The following FBXL2 variants were observed in gnomAD, a reference collection of about 807,000 sequenced individuals.
The protein encoded by FBXL2 is F-box/LRR-repeat protein 2.
Under a neutral mutation model 69.2 loss-of-function variants are expected in FBXL2, and 38 were observed. That is an observed-to-expected ratio of 0.55 (90% CI 0.42 to 0.72). The LOEUF is 0.72. Ranked by LOEUF, FBXL2 falls within the 30% of genes least tolerant of loss-of-function variation. The pLI is 0.00. For missense variants in FBXL2, 354 were observed against 520.3 expected, an observed-to-expected ratio of 0.68 and a Z score of 3.11; for synonymous variants, 192 against 201.3, an observed-to-expected ratio of 0.95 and a Z score of 0.39.
intron 2 of FBXL2, among the ~76,000 whole-genome samples, chr3:33,342,708 C>CTTTT (rs1559572672): frequency 2.7e-5 from 2 of 74,304 alleles, no homozygotes; most frequent in African/African-American, 1.1e-4. Flanking sequence ...ACAAATATAA[C>CTTTT]TTCTTTTTTT....
At chr3:33,406,746 T>C (rs2044438601), downstream of FBXL2, among the ~76,000 whole-genome samples, 1 of 152,228 alleles carries the variant, frequency 6.6e-6, no homozygotes, top group Non-Finnish European at 1.5e-5. Context: ...CTCATAGTTA[T>C]GGTTTCGGTA....
chr3:33,358,253 G>T (rs985554870), intron 2 of FBXL2, among the ~76,000 whole-genome samples: 6 of 152,108 alleles, frequency 3.9e-5, no homozygotes, highest in Admixed American at 2.6e-4. Context: ...CTGTCACTCT[G>T]CAGTGCTGAG....
chr3:33,297,622 TA>T, intron 1 of FBXL2, 41 bp from the exon 2 acceptor site: 1 of 1,269,876 alleles, frequency 7.9e-7, no homozygotes, highest in South Asian at 1.3e-5. Context: ...CCACATTGAT[TA>T]AAGAACATTT....
chr3:33,290,036 G>A (rs2035067158), intron 1 of FBXL2, among the ~76,000 whole-genome samples: 2 of 152,118 alleles, frequency 1.3e-5, no homozygotes, highest in African/African-American at 4.8e-5. Flanking sequence ...AAAGCAGAAG[G>A]TGCTACTGGA....
At chr3:33,419,621 T>C in the FBXL2 span, among the ~76,000 whole-genome samples, 1 of 125,752 alleles carries the variant, frequency 8.0e-6, no homozygotes, top group African/African-American at 3.3e-5. Flanking sequence ...AGAGGGAGAC[T>C]CCATCTCAAA....
At chr3:33,420,084 A>AG in the FBXL2 span, among the ~76,000 whole-genome samples, 1 of 152,214 alleles carries the variant, frequency 6.6e-6, no homozygotes, top group Admixed American at 6.5e-5. Context: ...ATGGGACTCC[A>AG]GGGCAACATG....
chr3:33,410,486 A>C, the FBXL2 span, among the ~76,000 whole-genome samples: 1 of 152,258 alleles, frequency 6.6e-6, no homozygotes, highest in Non-Finnish European at 1.5e-5. Context: ...CCAGGGATTA[A>C]CTGATGGAGA....
chr3:33,403,572 GTC>G (rs1319589081), exon 13 of FBXL2: 2 of 140,842 alleles, frequency 1.4e-5, no homozygotes, highest in Non-Finnish European at 3.1e-5. Context: ...CTGTCTGTCT[GTC>G]TGTCTGTCTG....
the FBXL2 span, among the ~76,000 whole-genome samples, chr3:33,421,827 T>C: frequency 2.0e-5 from 3 of 152,100 alleles, no homozygotes; most frequent in Admixed American, 6.5e-5. Context: ...GGTGGGTGGA[T>C]CACTTGAAGC....
At chr3:33,355,882 G>A (rs556647751) in intron 2 of FBXL2, among the ~76,000 whole-genome samples, 6 of 152,254 alleles carry the variant, frequency 3.9e-5, no homozygotes, top group Non-Finnish European at 5.9e-5. Context: ...ACTTTTACTC[G>A]TCGAAACATG....
intron 2 of FBXL2, among the ~76,000 whole-genome samples, chr3:33,319,526 A>G (rs545398743): frequency 6.6e-6 from 1 of 152,326 alleles, no homozygotes; most frequent in South Asian, 2.1e-4. Flanking sequence ...GAATTCTTAC[A>G]TATTTACTTC....
chr3:33,336,702 C>A (rs575284284), intron 2 of FBXL2, among the ~76,000 whole-genome samples: 1 of 151,408 alleles, frequency 6.6e-6, no homozygotes, highest in Non-Finnish European at 1.5e-5. Flanking sequence ...GCCAAGAGAT[C>A]GAGACCATCC....
chr3:33,316,348 C>G (rs528078299), intron 2 of FBXL2, among the ~76,000 whole-genome samples: 77 of 152,046 alleles, frequency 5.1e-4, no homozygotes, highest in Non-Finnish European at 1.0e-3. Context: ...CATGAGCCAC[C>G]ACGCCGAGCC....
rs374575373 is a variant in FBXL2 at position 33,373,098 on chromosome 3, T to C, written c.297T>C (p.Phe99=). 3.7e-6 allele frequency: 6 copies of C among 1,614,106 alleles called. No individual in the cohort carries two copies. The African/African-American group carries it at 5.3e-5, about 14-fold the overall frequency. Residue 99 remains phenylalanine, a synonymous_variant, in exon 6 of 15, where the codon TTT becomes TTC. Transcript: ENST00000484457. ...AAATGTTTTCTCATTTTAGGACCTT[T>C]GCACAGAACTGCCGAAACATTGAAC... is the stretch of plus-strand genomic sequence containing the variant. The part of the protein sequence containing the change: ...IGVGDSSLKT[F]AQNCRNIEHL...
intron 2 of FBXL2, among the ~76,000 whole-genome samples, chr3:33,311,372 T>C (rs2125762429): frequency 6.6e-6 from 1 of 152,248 alleles, no homozygotes; most frequent in East Asian, 1.9e-4. Context: ...CCCACTTTTC[T>C]TTTTCTCTGC....
the FBXL2 span, among the ~76,000 whole-genome samples, chr3:33,418,925 G>A: frequency 6.8e-6 from 1 of 146,656 alleles, no homozygotes; most frequent in Non-Finnish European, 1.5e-5. Context: ...AAAAAAATGA[G>A]CAAATGAAAT....
intron 2 of FBXL2, among the ~76,000 whole-genome samples, chr3:33,322,593 A>G (rs763736619): frequency 6.6e-6 from 1 of 152,206 alleles, no homozygotes; most frequent in Non-Finnish European, 1.5e-5. Flanking sequence ...ATAAAGTTCA[A>G]AATCAAGCAA....
At chr3:33,343,861 G>A (rs763201874) in intron 2 of FBXL2, among the ~76,000 whole-genome samples, 13 of 151,970 alleles carry the variant, frequency 8.6e-5, no homozygotes, top group Non-Finnish European at 1.3e-4. Flanking sequence ...CAAATGTTAC[G>A]GATAGTCTAT....
At chr3:33,353,085 C>A (rs903183180) in intron 2 of FBXL2, among the ~76,000 whole-genome samples, 1 of 151,970 alleles carries the variant, frequency 6.6e-6, no homozygotes, top group African/African-American at 2.4e-5. Context: ...AATGAGATAC[C>A]ACTGTATACC....
Sources: allele counts gnomAD v4.1 joint callset (sites outside exome capture counted in the v4.1 genomes callset), GRCh38; gene constraint gnomAD v4.1.1; transcripts MANE v1.5; gene names NCBI Gene and HGNC (gene_info 2026-07-23, HGNC 2026-07-21).